HECW1: variants seen among roughly 807,000 people sequenced by gnomAD.
HECW1 encodes E3 ubiquitin-protein ligase HECW1.
In HECW1, 61 loss-of-function variants were observed where a neutral mutation model predicts 182.3. That is an observed-to-expected ratio of 0.33 (90% CI 0.27 to 0.41). HECW1 has a LOEUF of 0.41. HECW1 is among the 10% of genes least tolerant of loss of function. The pLI, the probability that HECW1 is intolerant of heterozygous loss-of-function variation, is 1.00. For synonymous variants in HECW1, 859 were observed against 832.6 expected (o/e 1.03, Z -0.55); for missense variants, 1,739 against 2,108.9 (o/e 0.82, Z 3.44).
intron 17 of HECW1, among the ~76,000 whole-genome samples, chr7:43,481,362 A>C (rs772572555): frequency 1.3e-5 from 2 of 152,242 alleles, no homozygotes; most frequent in Non-Finnish European, 2.9e-5. Context: ...AGACAATTTC[A>C]GTATCCACAT....
At chr7:43,400,879 C>G (rs1006477283) in intron 7 of HECW1, among the ~76,000 whole-genome samples, 1 of 152,208 alleles carries the variant, frequency 6.6e-6, no homozygotes, top group East Asian at 1.9e-4. Flanking sequence ...TGGTGCAAAT[C>G]CATCCCTTGC....
intron 3 of HECW1, among the ~76,000 whole-genome samples, chr7:43,278,753 T>A (rs1463405472): frequency 6.6e-6 from 1 of 152,118 alleles, no homozygotes; most frequent in African/African-American, 2.4e-5. Context: ...AAGTTGTCAC[T>A]TCTCCTCCTC....
Position 43,462,382 on chromosome 7 carries a change from G to GT in HECW1, c.2652-1269dup, listed in dbSNP as rs534464503. On this transcript the variant is annotated intron_variant, in intron 13 of 29. Coordinates refer to ENST00000395891, the MANE Select transcript of HECW1 (RefSeq NM_015052.5). ...CTCCATGTACATCTGGCCCTGCCTG[G>GT]TTTTTTTTTAGCAGCCACCCATCAC... Among the ~76,000 whole-genome samples, 382 of 150,900 alleles carry GT rather than the reference G, an allele frequency of 2.5e-3. 1 individual carries two copies. The highest frequency in any genetic ancestry group is 8.4e-3 in the African/African-American group (345 of 41,150).
chr7:43,233,200 G>A (rs758581046), intron 2 of HECW1, among the ~76,000 whole-genome samples: 1 of 152,074 alleles, frequency 6.6e-6, no homozygotes, highest in Non-Finnish European at 1.5e-5. Flanking sequence ...AGAAACAACA[G>A]TTACTAAAAA....
chr7:43,523,033 C>T (rs1482762318), intron 24 of HECW1: 3 of 446,794 alleles, frequency 6.7e-6, no homozygotes, highest in African/African-American at 2.0e-5. Context: ...GATGGAATTT[C>T]GCTCTTGTCC....
intron 2 of HECW1, among the ~76,000 whole-genome samples, chr7:43,141,346 C>G (rs1788131539): frequency 6.6e-6 from 1 of 152,174 alleles, no homozygotes; most frequent in African/African-American, 2.4e-5. Flanking sequence ...GCACGCTGAC[C>G]CCCTGCTGGG....
chr7:43,131,002 A>C (rs779478475), intron 2 of HECW1, among the ~76,000 whole-genome samples: 1 of 152,210 alleles, frequency 6.6e-6, no homozygotes. Flanking sequence ...ATGGTGGCTC[A>C]GACCTGTAAT....
intron 6 of HECW1, among the ~76,000 whole-genome samples, chr7:43,378,675 G>A (rs1584696354): frequency 6.6e-6 from 1 of 152,152 alleles, no homozygotes; most frequent in Non-Finnish European, 1.5e-5. Flanking sequence ...GTGTGGTGGT[G>A]TGCACCTGTA....
chr7:43,165,861 A>G (rs531466273), intron 2 of HECW1, among the ~76,000 whole-genome samples: 3 of 152,322 alleles, frequency 2.0e-5, no homozygotes, highest in African/African-American at 7.2e-5. Flanking sequence ...GCCATCAGCC[A>G]TTTGCATGTG....
intron 11 of HECW1, among the ~76,000 whole-genome samples, chr7:43,445,976 T>G (rs889626532): frequency 3.3e-5 from 5 of 152,252 alleles, no homozygotes; most frequent in Non-Finnish European, 7.3e-5. Flanking sequence ...TGTAAATATC[T>G]GCTGACTTTC....
chr7:43,226,797 C>T (rs554123524), intron 2 of HECW1, among the ~76,000 whole-genome samples: 5 of 152,174 alleles, frequency 3.3e-5, no homozygotes, highest in African/African-American at 7.2e-5. Context: ...AAGAGCCTGG[C>T]GTCTCCCGCA....
chr7:43,222,686 C>T (rs998665571), intron 2 of HECW1, among the ~76,000 whole-genome samples: 1 of 152,172 alleles, frequency 6.6e-6, no homozygotes, highest in African/African-American at 2.4e-5. Flanking sequence ...AGTCTGGAAA[C>T]CTGACATGTG....
intron 2 of HECW1, among the ~76,000 whole-genome samples, chr7:43,185,154 G>A (rs188867766): frequency 6.6e-6 from 1 of 151,990 alleles, no homozygotes; most frequent in Non-Finnish European, 1.5e-5. Flanking sequence ...CAGGGATGGT[G>A]GGGGGGAAGG....
At chr7:43,479,977 C>T (rs2078363589) in intron 17 of HECW1, among the ~76,000 whole-genome samples, 1 of 152,172 alleles carries the variant, frequency 6.6e-6, no homozygotes, top group Admixed American at 6.5e-5. Flanking sequence ...ATCACCACTA[C>T]TAAAAACCTG....
chr7:43,396,714 T>C, intron 6 of HECW1, 100 bp from the exon 7 acceptor site: 1 of 778,416 alleles, frequency 1.3e-6, no homozygotes, highest in Non-Finnish European at 2.2e-6. Flanking sequence ...TCGTTGCCTG[T>C]AGCTGGTAAA....
intron 26 of HECW1, among the ~76,000 whole-genome samples, chr7:43,549,371 A>G (rs959394863): frequency 3.3e-5 from 5 of 152,178 alleles, no homozygotes; most frequent in African/African-American, 9.7e-5. Context: ...CTACTTATGG[A>G]CTGCTTTGTT....
chr7:43,481,397 G>A (rs563925507), intron 17 of HECW1, among the ~76,000 whole-genome samples: 18 of 152,326 alleles, frequency 1.2e-4, no homozygotes, highest in Non-Finnish European at 2.2e-4. Context: ...TGATAAAGTA[G>A]CTGAGTACTG....
At chr7:43,529,167 A>G (rs376124683) in intron 24 of HECW1, among the ~76,000 whole-genome samples, 2 of 151,968 alleles carry the variant, frequency 1.3e-5, no homozygotes, top group East Asian at 1.9e-4. Context: ...ACTGTCAATC[A>G]TTCTACAGCC....
chr7:43,457,273 T>C (rs1430555603), intron 13 of HECW1, among the ~76,000 whole-genome samples: 1 of 152,170 alleles, frequency 6.6e-6, no homozygotes, highest in Non-Finnish European at 1.5e-5. Flanking sequence ...GAATGCAAAC[T>C]GAGGCTTCCT....
Sources: gnomAD v4.1 joint callset for allele counts (sites outside exome capture counted in the v4.1 genomes callset) on GRCh38, gnomAD v4.1.1 for gene constraint, MANE v1.5 for transcripts, NCBI Gene and HGNC (gene_info 2026-07-23, HGNC 2026-07-21) for gene names.